Variants in KMT2C observed in about 807,000 individuals in gnomAD.
The protein encoded by KMT2C is lysine methyltransferase 2C.
KMT2C carries 88 observed loss-of-function variants against 507.9 expected under a neutral mutation model. The observed-to-expected ratio is 0.17, with a 90% CI of 0.15 to 0.21. The LOEUF is 0.21. KMT2C is among the 10% of genes least tolerant of loss of function. The pLI is 1.00. For synonymous variants in KMT2C, 2,049 were observed against 2,080.8 expected, an observed-to-expected ratio of 0.98 and a Z score of 0.42; for missense variants, 4,954 against 5,957.8, an observed-to-expected ratio of 0.83 and a Z score of 5.55.
chr7:152,215,277 G>A (rs2094544054), intron 23 of KMT2C, among the ~76,000 whole-genome samples: 1 of 151,914 alleles, frequency 6.6e-6, no homozygotes, highest in South Asian at 2.1e-4. Context: ...ACTTTGGGAG[G>A]CCGAGGCAGG....
intron 6 of KMT2C, among the ~76,000 whole-genome samples, chr7:152,296,997 A>AAGAAAGAAAGAAAGAAAG (rs1235502213): frequency 6.8e-5 from 4 of 58,948 alleles, no homozygotes; most frequent in Non-Finnish European, 1.1e-4. Flanking sequence ...GAAAGAAAGA[A>AAGAAAGAAAGAAAGAAAG]AAAGAAAGAA....
intron 1 of KMT2C, among the ~76,000 whole-genome samples, chr7:152,421,418 CT>C (rs1239454510): frequency 6.6e-6 from 1 of 152,126 alleles, no homozygotes; most frequent in Non-Finnish European, 1.5e-5. Context: ...AGAAATCGTT[CT>C]ACCATAAAGA....
chr7:152,160,889 G>A (rs996855077), intron 43 of KMT2C, among the ~76,000 whole-genome samples: 4 of 151,966 alleles, frequency 2.6e-5, no homozygotes, highest in Admixed American at 6.6e-5. Flanking sequence ...GTGAGAACAC[G>A]AGCATCAACA....
chr7:152,389,336 G>T (rs2097466914), intron 1 of KMT2C, among the ~76,000 whole-genome samples: 1 of 141,820 alleles, frequency 7.1e-6, no homozygotes, highest in Non-Finnish European at 1.5e-5. Flanking sequence ...CCTGGTGACA[G>T]AGTGAGACTC....
Position 152,368,124 on chromosome 7 carries a change from T to G in KMT2C, c.162-9449A>C. 1.8e-5 allele frequency: 17 copies of G among 939,090 alleles called. No individual in the cohort carries two copies. In the South Asian group the frequency reaches 2.2e-4, roughly 12 times the overall value. 58.2% of individuals were successfully genotyped at this position (939,090 alleles called of 1,614,324 possible). A position where few individuals can be genotyped will look rare whatever the true frequency, so the allele number is the denominator to read the frequency against. On this transcript the variant is annotated intron_variant, in intron 1 of 58. Transcript: ENST00000262189. ...CTAGTAATACTATCATTGAAGTTAA[T>G]GGCAAAAGGGTCAAAGGAAGGCAGT...
intron 24 of KMT2C, 123 bp downstream of exon 24, chr7:152,207,177 A>T: frequency 1.1e-6 from 1 of 949,354 alleles, no homozygotes; most frequent in Non-Finnish European, 1.5e-6. Flanking sequence ...TTATGTGCAC[A>T]TATTTTTGTT....
At chr7:152,228,296 A>T (rs1383865883) in intron 18 of KMT2C, among the ~76,000 whole-genome samples, 1 of 152,218 alleles carries the variant, frequency 6.6e-6, no homozygotes, top group Non-Finnish European at 1.5e-5. Flanking sequence ...AAAGTTTGAA[A>T]ATATCCACCT....
chr7:152,370,227 A>G (rs1186246750), intron 1 of KMT2C, among the ~76,000 whole-genome samples: 1 of 152,134 alleles, frequency 6.6e-6, no homozygotes, highest in African/African-American at 2.4e-5. Flanking sequence ...AAAGAGCAGT[A>G]TGAACAACTC....
chr7:152,298,536 C>T (rs1411245804), intron 6 of KMT2C, among the ~76,000 whole-genome samples: 2 of 152,144 alleles, frequency 1.3e-5, no homozygotes, highest in African/African-American at 4.8e-5. Context: ...GAATTCCATG[C>T]CTGGCAAAAA....
intron 3 of KMT2C, among the ~76,000 whole-genome samples, chr7:152,318,391 G>C (rs929968502): frequency 6.6e-6 from 1 of 151,780 alleles, no homozygotes; most frequent in Non-Finnish European, 1.5e-5. Context: ...ATCACCTGAG[G>C]TCAGTTCGAA....
intron 1 of KMT2C, chr7:152,368,114 T>C (rs1319502407): frequency 3.2e-6 from 3 of 936,666 alleles, no homozygotes; most frequent in African/African-American, 3.2e-5. Flanking sequence ...AATACTATCA[T>C]TGAAGTTAAT....
At chr7:152,223,881 T>C in intron 20 of KMT2C, 134 bp downstream of exon 20, 1 of 631,794 alleles carries the variant, frequency 1.6e-6, no homozygotes, top group East Asian at 2.9e-5. Flanking sequence ...AGTTTCTAGG[T>C]GACTAAAAAT....
intron 33 of KMT2C, among the ~76,000 whole-genome samples, chr7:152,185,964 TAA>T (rs1458030703): frequency 6.6e-6 from 1 of 152,180 alleles, no homozygotes; most frequent in Non-Finnish European, 1.5e-5. Flanking sequence ...TACAAGTTTG[TAA>T]AACATCTGTG....
chr7:152,402,076 C>G (rs1589755112), intron 1 of KMT2C, among the ~76,000 whole-genome samples: 3 of 152,134 alleles, frequency 2.0e-5, no homozygotes, highest in East Asian at 3.9e-4. Context: ...CGCCATTGCA[C>G]TCCAGCCTGG....
chr7:152,353,350 G>A (rs1203559852), intron 2 of KMT2C, among the ~76,000 whole-genome samples: 1 of 152,162 alleles, frequency 6.6e-6, no homozygotes, highest in African/African-American at 2.4e-5. Context: ...CTTGAACCCG[G>A]GAGGCAGAGG....
intron 1 of KMT2C, chr7:152,367,126 T>C (rs1328929089): frequency 1.9e-6 from 2 of 1,040,050 alleles, no homozygotes; most frequent in Non-Finnish European, 2.9e-6. Flanking sequence ...GAGTGTGGTC[T>C]CCTAGAAATC....
chr7:152,429,523 T>TC (rs1403646546), intron 1 of KMT2C, among the ~76,000 whole-genome samples: 1 of 152,044 alleles, frequency 6.6e-6, no homozygotes, highest in Non-Finnish European at 1.5e-5. Context: ...TCTATTACTT[T>TC]TTTTTTTTTC....
intron 23 of KMT2C, among the ~76,000 whole-genome samples, chr7:152,214,765 G>A (rs547654804): frequency 2.1e-5 from 3 of 143,506 alleles, no homozygotes; most frequent in Middle Eastern, 3.5e-3. Context: ...GAAGCTGAAC[G>A]TATAGAGAGT....
intron 35 of KMT2C, among the ~76,000 whole-genome samples, 177 bp downstream of exon 35, chr7:152,182,797 A>G (rs927567047): frequency 2.0e-5 from 3 of 152,194 alleles, no homozygotes; most frequent in Non-Finnish European, 4.4e-5. Context: ...ATTGTTTATA[A>G]TATTTCAATA....
Sources: gnomAD v4.1 joint callset for allele counts (sites outside exome capture counted in the v4.1 genomes callset) on GRCh38, gnomAD v4.1.1 for gene constraint, MANE v1.5 for transcripts, NCBI Gene and HGNC (gene_info 2026-07-23, HGNC 2026-07-21) for gene names.